RNGTT: variants seen among roughly 807,000 people sequenced by gnomAD.
The protein encoded by RNGTT is RNA guanylyltransferase and 5'-phosphatase, also known as mRNA-capping enzyme.
In RNGTT, 33 loss-of-function variants were observed where a neutral mutation model predicts 79.3. The ratio of observed to expected loss-of-function variants is 0.42; its 90% confidence interval spans 0.32 to 0.56. The LOEUF (loss-of-function observed/expected upper bound fraction) is 0.56. Ranked by LOEUF, RNGTT falls within the 20% of genes least tolerant of loss-of-function variation. The probability of loss-of-function intolerance (pLI) is 0.17; values close to 1 mark genes in which losing one functional copy is unlikely to be tolerated. For missense variants in RNGTT, 497 were observed against 739.1 expected (o/e 0.67, Z 3.80); for synonymous variants, 222 against 235.9 (o/e 0.94, Z 0.54).
chr6:88,741,799 T>G (rs1777501296), intron 13 of RNGTT, among the ~76,000 whole-genome samples: 1 of 152,178 alleles, frequency 6.6e-6, no homozygotes, highest in Non-Finnish European at 1.5e-5. Context: ...GGCAGACTTT[T>G]CCTTTTCATG....
At chr6:88,628,505 A>G (rs1772721209) in intron 14 of RNGTT, among the ~76,000 whole-genome samples, 1 of 152,172 alleles carries the variant, frequency 6.6e-6, no homozygotes, top group Admixed American at 6.6e-5. Context: ...CAAATTCATT[A>G]CTTTGGTAAC....
chr6:88,632,508 T>G (rs183104710), intron 14 of RNGTT, among the ~76,000 whole-genome samples: 378 of 147,956 alleles, frequency 2.6e-3, no homozygotes, highest in Non-Finnish European at 4.2e-3. Context: ...GAAAAACAGT[T>G]TATATAGCAA....
At chr6:88,705,284 C>CA (rs1776093287) in intron 13 of RNGTT, among the ~76,000 whole-genome samples, 1 of 152,048 alleles carries the variant, frequency 6.6e-6, no homozygotes, top group South Asian at 2.1e-4. Context: ...GCAACACAAA[C>CA]AAAAAATGAC....
intron 13 of RNGTT, among the ~76,000 whole-genome samples, chr6:88,719,613 T>C (rs1363075461): frequency 6.6e-6 from 1 of 152,212 alleles, no homozygotes; most frequent in Non-Finnish European, 1.5e-5. Context: ...TATGAAGAGA[T>C]TGCATTTTTA....
chr6:88,725,772 C>T (rs1776876656), intron 13 of RNGTT, among the ~76,000 whole-genome samples: 1 of 152,106 alleles, frequency 6.6e-6, no homozygotes, highest in Non-Finnish European at 1.5e-5. Flanking sequence ...CCTTTCTTCT[C>T]AGGGGAAGAA....
At chr6:88,674,204 G>A (rs1475048117) in intron 14 of RNGTT, among the ~76,000 whole-genome samples, 2 of 152,224 alleles carry the variant, frequency 1.3e-5, no homozygotes, top group African/African-American at 2.4e-5. Flanking sequence ...GTTATTTAAA[G>A]AGGTGCTAAT....
chr6:88,759,130 T>C (rs974196584), intron 13 of RNGTT, among the ~76,000 whole-genome samples: 1 of 152,264 alleles, frequency 6.6e-6, no homozygotes, highest in African/African-American at 2.4e-5. Context: ...TATGGCAGTA[T>C]GGACTCATAG....
intron 13 of RNGTT, among the ~76,000 whole-genome samples, chr6:88,760,008 C>CCTT (rs1177072348): frequency 2.0e-5 from 3 of 152,000 alleles, no homozygotes; most frequent in Non-Finnish European, 2.9e-5. Flanking sequence ...TGAGAAAAAT[C>CCTT]ACATAAGCGA....
chr6:88,872,629 C>T (rs111955095), intron 8 of RNGTT, among the ~76,000 whole-genome samples: 1 of 152,104 alleles, frequency 6.6e-6, no homozygotes, highest in African/African-American at 2.4e-5. Context: ...AACGATGAGA[C>T]AGTAAATATT....
At chr6:88,863,412 C>T (rs571376140) in intron 8 of RNGTT, among the ~76,000 whole-genome samples, 9 of 152,084 alleles carry the variant, frequency 5.9e-5, no homozygotes, top group African/African-American at 2.2e-4. Flanking sequence ...ATAGAAAAGT[C>T]GACAGTCAAA....
chr6:88,662,544 T>A (rs1236526212), intron 14 of RNGTT, among the ~76,000 whole-genome samples: 1 of 152,216 alleles, frequency 6.6e-6, no homozygotes, highest in Non-Finnish European at 1.5e-5. Flanking sequence ...GCCTCTTCCT[T>A]CATAAAACCA....
At chr6:88,619,229 G>T (rs368928140) in intron 14 of RNGTT, among the ~76,000 whole-genome samples, 2 of 151,552 alleles carry the variant, frequency 1.3e-5, no homozygotes, top group Admixed American at 1.3e-4. Flanking sequence ...GCAGTGGTGC[G>T]GTCACAGCTC....
At chr6:88,769,188 T>TCA (rs1282855547) in intron 13 of RNGTT, among the ~76,000 whole-genome samples, 4 of 152,130 alleles carry the variant, frequency 2.6e-5, no homozygotes, top group Admixed American at 6.5e-5. Flanking sequence ...GGAAGTGGTC[T>TCA]CACTCTGTCA....
At chr6:88,729,763 A>G (rs185890388) in intron 13 of RNGTT, among the ~76,000 whole-genome samples, 9 of 152,344 alleles carry the variant, frequency 5.9e-5, no homozygotes, top group Admixed American at 5.9e-4. Flanking sequence ...GTCATCCCAA[A>G]CAACACCGCC....
chr6:88,698,804 G>A (rs537883659), intron 13 of RNGTT, among the ~76,000 whole-genome samples: 6 of 152,148 alleles, frequency 3.9e-5, no homozygotes, highest in Admixed American at 2.0e-4. Context: ...AAAGTATGAG[G>A]GAGTTCAACC....
chr6:88,631,124 T>C (rs1012847410), intron 14 of RNGTT, among the ~76,000 whole-genome samples: 3 of 152,242 alleles, frequency 2.0e-5, no homozygotes, highest in African/African-American at 7.2e-5. Context: ...ATGGAGTTGT[T>C]AGCAGCTCTG....
chr6:88,932,614 C>T (rs1030697482), intron 2 of RNGTT, among the ~76,000 whole-genome samples: 3 of 152,026 alleles, frequency 2.0e-5, no homozygotes, highest in Non-Finnish European at 2.9e-5. Context: ...TCAGACCGGC[C>T]GACATTTAGG....
chr6:88,799,782 G>A (rs1434629900), intron 12 of RNGTT, among the ~76,000 whole-genome samples: 1 of 148,384 alleles, frequency 6.7e-6, no homozygotes, highest in East Asian at 2.0e-4. Context: ...AGACATCCAA[G>A]AAAGAGACTC....
intron 13 of RNGTT, among the ~76,000 whole-genome samples, chr6:88,756,291 G>A (rs910988031): frequency 1.3e-5 from 2 of 151,912 alleles, no homozygotes; most frequent in African/African-American, 2.4e-5. Flanking sequence ...TGGCCAACAC[G>A]GTGAAACCCC....
Sources: allele counts gnomAD v4.1 joint callset (sites outside exome capture counted in the v4.1 genomes callset), GRCh38; gene constraint gnomAD v4.1.1; transcripts MANE v1.5; gene names NCBI Gene and HGNC (gene_info 2026-07-23, HGNC 2026-07-21).